RNF130: variants seen among roughly 807,000 people sequenced by gnomAD.
RNF130 encodes the protein ring finger protein 130.
A neutral mutation model predicts 44.6 loss-of-function variants in RNF130; 21 were observed. The observed-to-expected ratio is 0.47, with a 90% confidence interval of 0.33 to 0.68. The LOEUF is 0.68. RNF130 is among the 30% of genes least tolerant of loss of function. The probability of loss-of-function intolerance (pLI) is 0.02; values close to 1 mark genes in which losing one functional copy is unlikely to be tolerated. For missense variants in RNF130, 479 were observed against 560.6 expected (o/e 0.85, Z 1.47); for synonymous variants, 214 against 210.4 (o/e 1.02, Z -0.15).
chr5:179,928,758 A>T (rs1324325436), intron 7 of RNF130, among the ~76,000 whole-genome samples: 2 of 151,590 alleles, frequency 1.3e-5, no homozygotes, highest in Non-Finnish European at 2.9e-5. Context: ...CCTCCCGAGT[A>T]GCTGGGACTA....
chr5:179,967,593 T>C (rs1044581753), intron 6 of RNF130, among the ~76,000 whole-genome samples: 4 of 152,108 alleles, frequency 2.6e-5, no homozygotes, highest in African/African-American at 9.7e-5. Flanking sequence ...TAGAGCTGCT[T>C]GGGGCCAAAG....
Position 179,977,536 on chromosome 5 carries a change from G to A in RNF130, c.848+667C>T, listed in dbSNP as rs904717930. On this transcript the variant is annotated intron_variant, in intron 5 of 8. Transcript: ENST00000521389. The surrounding 1 kb of genome is among the most constrained non-coding windows in gnomAD (Gnocchi z 4.1). ...CCCAGGAGTTCATGTTCAGCTGTGC[G>A]CAACATAGTGAGAACCCCATCTTTA... is the stretch of plus-strand genomic sequence containing the variant. Among the ~76,000 whole-genome samples, 3 of 152,158 alleles carry A rather than the reference G, an allele frequency of 2.0e-5. No individual in the cohort carries two copies. Among genetic ancestry groups the A allele is most frequent in the Admixed American group, 6.6e-5 (1 of 15,264 alleles).
At chr5:180,001,525 C>CA in intron 3 of RNF130, among the ~76,000 whole-genome samples, 1 of 152,274 alleles carries the variant, frequency 6.6e-6, no homozygotes, top group South Asian at 2.1e-4. Flanking sequence ...GGAATTAGGG[C>CA]ATAACACTGG....
At chr5:179,920,539 C>T (rs1251889995) in intron 7 of RNF130, 1 of 625,840 alleles carries the variant, frequency 1.6e-6, no homozygotes, top group Non-Finnish European at 2.9e-6. Flanking sequence ...TCTTAACTAT[C>T]CTTCATAAGG....
At chr5:180,052,977 CA>C (rs1561708695) in intron 1 of RNF130, among the ~76,000 whole-genome samples, 1 of 152,116 alleles carries the variant, frequency 6.6e-6, no homozygotes, top group Admixed American at 6.5e-5. Context: ...TGATGGAAAG[CA>C]CACTATTATT....
chr5:180,047,859 C>T (rs1764603184), intron 1 of RNF130, among the ~76,000 whole-genome samples: 1 of 152,164 alleles, frequency 6.6e-6, no homozygotes, highest in Non-Finnish European at 1.5e-5. Flanking sequence ...TTTCCTCCTG[C>T]ACTACCACAG....
At chr5:179,941,800 T>C (rs935910210) in intron 7 of RNF130, among the ~76,000 whole-genome samples, 1 of 152,176 alleles carries the variant, frequency 6.6e-6, no homozygotes, top group Admixed American at 6.5e-5. Context: ...AACAAGCTAG[T>C]CTGACATTAC....
intron 3 of RNF130, among the ~76,000 whole-genome samples, chr5:179,996,561 T>C (rs984834604): frequency 6.6e-6 from 1 of 152,270 alleles, no homozygotes; most frequent in Non-Finnish European, 1.5e-5. Flanking sequence ...CTGCATCTAC[T>C]GGCATTACCA....
chr5:179,983,074 A>G (rs528201885), intron 3 of RNF130, among the ~76,000 whole-genome samples: 1 of 152,184 alleles, frequency 6.6e-6, no homozygotes, highest in Non-Finnish European at 1.5e-5. Context: ...TGTATTATTG[A>G]CTTTTGAGAG....
At chr5:179,925,059 T>C (rs555052282) in intron 7 of RNF130, among the ~76,000 whole-genome samples, 79 of 152,342 alleles carry the variant, frequency 5.2e-4, no homozygotes, top group Non-Finnish European at 9.4e-4. Flanking sequence ...ATTTGGTTTT[T>C]ATCCGGGCTT....
At chr5:179,946,577 G>C (rs931206775) in intron 7 of RNF130, among the ~76,000 whole-genome samples, 25 of 146,720 alleles carry the variant, frequency 1.7e-4, no homozygotes, top group African/African-American at 5.1e-4. Flanking sequence ...TTTTTGAGAC[G>C]GAGTCTCGCT....
At position 179,963,915 on chromosome 5, in the gene RNF130, T is replaced by C. The variant is rs3734002; in HGVS notation, c.1151-351A>G. 2.2e-5 allele frequency: 5 copies of C among 229,858 alleles called. No individual in the cohort carries two copies. The East Asian group carries it at 5.3e-4, about 24-fold the overall frequency. The allele number at this position is 229,858 out of a possible 1,614,324, so 14.2% of individuals were successfully genotyped here. A position where few individuals can be genotyped will look rare whatever the true frequency, so the allele number is the denominator to read the frequency against. ...ATTGTTAATGTAAATGACAGTAAAG[T>C]AGACTAAGCATATTTATAACCTTCT... On this transcript the variant is annotated intron_variant, in intron 7 of 8. Transcript: ENST00000521389.
At chr5:179,942,588 A>G (rs1045956976) in intron 7 of RNF130, among the ~76,000 whole-genome samples, 1 of 152,206 alleles carries the variant, frequency 6.6e-6, no homozygotes, top group African/African-American at 2.4e-5. Flanking sequence ...TTTAAAGGGA[A>G]TTGTTGATGC....
At chr5:179,939,815 G>C in intron 7 of RNF130, 1 of 379,608 alleles carries the variant, frequency 2.6e-6, no homozygotes, top group Non-Finnish European at 5.1e-6. Flanking sequence ...CAAAGAAGTT[G>C]AATGAAAATG....
At chr5:179,958,008 G>A (rs960384702) in intron 8 of RNF130, among the ~76,000 whole-genome samples, 20 of 151,006 alleles carry the variant, frequency 1.3e-4, no homozygotes, top group Admixed American at 1.2e-3. Flanking sequence ...CTCCCAAGTA[G>A]CTGGGACTAC....
intron 3 of RNF130, among the ~76,000 whole-genome samples, chr5:180,008,582 C>G (rs953508466): frequency 6.6e-6 from 1 of 152,152 alleles, no homozygotes; most frequent in African/African-American, 2.4e-5. Context: ...ATCAGTAACA[C>G]TAAGATAATA....
At chr5:179,973,497 C>T (rs900000599) in intron 5 of RNF130, among the ~76,000 whole-genome samples, 1 of 152,230 alleles carries the variant, frequency 6.6e-6, no homozygotes, top group Non-Finnish European at 1.5e-5. Context: ...AAGGACTGGG[C>T]CAGGGGCGTT....
chr5:179,960,363 G>T (rs553723854), intron 8 of RNF130, among the ~76,000 whole-genome samples: 2 of 152,198 alleles, frequency 1.3e-5, no homozygotes. Flanking sequence ...ATAATCAGTC[G>T]CAGTACTAAA....
chr5:180,043,716 A>G (rs1156312318), intron 1 of RNF130, among the ~76,000 whole-genome samples: 3 of 152,200 alleles, frequency 2.0e-5, no homozygotes, highest in African/African-American at 4.8e-5. Context: ...CTGAGAACAG[A>G]TTCTATGAAC....
Sources: gnomAD v4.1 joint callset for allele counts (sites outside exome capture counted in the v4.1 genomes callset) on GRCh38, gnomAD v4.1.1 for gene constraint, Gnocchi (gnomAD v3.1) non-coding constraint, MANE v1.5 for transcripts, NCBI Gene and HGNC (gene_info 2026-07-23, HGNC 2026-07-21) for gene names.